UNC45B: variants seen among roughly 807,000 people sequenced by gnomAD.
UNC45B encodes unc-45 myosin chaperone B, also known as protein unc-45 homolog B.
In UNC45B, 78 loss-of-function variants were observed where a neutral mutation model predicts 98.7. That is an observed-to-expected ratio of 0.79 (90% CI 0.66 to 0.95). UNC45B has a LOEUF of 0.95. Ranked by LOEUF, UNC45B falls within the 40% of genes least tolerant of loss-of-function variation. The pLI, the probability that UNC45B is intolerant of heterozygous loss-of-function variation, is 0.00. For missense variants in UNC45B, 1,225 were observed against 1,184.9 expected (o/e 1.03, Z -0.50); for synonymous variants, 462 against 480.4 (o/e 0.96, Z 0.50).
Position 35,174,325 on chromosome 17 carries a change from A to C in UNC45B, c.1914A>C (p.Ala638=), listed in dbSNP as rs1250947585. 1.5e-5 allele frequency: 24 copies of C among 1,614,076 alleles called. No individual in the cohort carries two copies. Among genetic ancestry groups the C allele is most frequent in the Non-Finnish European group, 1.9e-5 (23 of 1,180,042 alleles). ...CTGCCCTGGCTTGCATGGTGAAAGC[A>C]GATAGTGCCATCCTCACTGACCAGA... is the stretch of plus-strand genomic sequence containing the variant. The part of the protein sequence containing the change: ...VISALACMVK[A]DSAILTDQTK... The change falls in exon 14 of 20, where the codon GCA becomes GCC. Residue 638 remains alanine (A), a synonymous_variant. Coordinates refer to ENST00000394570, the MANE Select transcript of UNC45B (RefSeq NM_001267052.2).
Position 35,169,912 on chromosome 17 carries a change from C to G in UNC45B, c.1528C>G (p.Leu510Val). ...GTTTGCGGAAGGGTCGACAGAAAAA[C>G]TGGCCAAACAGTGTCGCAAGTAAGG... is the stretch of plus-strand genomic sequence containing the variant. The part of the protein sequence containing the change: ...RQFAEGSTEK[L>V]AKQCRKWLCN... The change falls in exon 11 of 20, where the codon CTG (leucine) becomes GTG (valine). Residue 510 changes from leucine (L) to valine (V), a missense_variant. Coordinates refer to ENST00000394570, the MANE Select transcript of UNC45B (RefSeq NM_001267052.2). The G allele has an allele frequency of 6.2e-7, 1 of 1,614,176 alleles. No homozygotes were observed.
intron 18 of UNC45B, among the ~76,000 whole-genome samples, chr17:35,182,279 C>T (rs539112648): frequency 1.7e-4 from 26 of 152,108 alleles, no homozygotes; most frequent in Non-Finnish European, 3.2e-4. Context: ...TTAGTAGAGA[C>T]GGGGTTTCAC....
Position 35,170,910 on chromosome 17 carries a change from A to G in UNC45B, c.1690-412A>G, listed in dbSNP as rs146546921. On this transcript the variant is annotated intron_variant, in intron 12 of 19. Transcript: ENST00000394570. Reference sequence around the variant, plus strand: ...TGCCCTCCCTCCCAGGCCCCCCCAGACTCCTTTCCTCATCTGCTGGGCCAA... The same window carrying G: ...TGCCCTCCCTCCCAGGCCCCCCCAGGCTCCTTTCCTCATCTGCTGGGCCAA... Among the ~76,000 whole-genome samples, 107 of 151,570 alleles carry G rather than the reference A, an allele frequency of 7.1e-4. 2 individuals carry two copies. In the East Asian group the frequency reaches 0.02, roughly 29 times the overall value.
intron 14 of UNC45B, 37 bp from the exon 15 acceptor site, chr17:35,175,931 G>T: frequency 6.2e-7 from 1 of 1,600,792 alleles, no homozygotes; most frequent in Non-Finnish European, 8.6e-7. Context: ...AGGTGTGCTG[G>T]TGTATTAACT....
chr17:35,162,010 C>T (rs184947790), intron 8 of UNC45B, among the ~76,000 whole-genome samples: 4 of 152,308 alleles, frequency 2.6e-5, no homozygotes, highest in Admixed American at 6.5e-5. Context: ...ATGGAAGTGC[C>T]ACGCCCCTTG....
intron 3 of UNC45B, 83 bp downstream of exon 3, chr17:35,149,092 G>A: frequency 6.6e-7 from 1 of 1,518,294 alleles, no homozygotes; most frequent in South Asian, 1.1e-5. Flanking sequence ...CATTTTGGGG[G>A]AAGAAACAGT....
intron 9 of UNC45B, among the ~76,000 whole-genome samples, chr17:35,167,545 T>C (rs531133944): frequency 6.6e-6 from 1 of 151,712 alleles, no homozygotes; most frequent in Admixed American, 6.6e-5. Flanking sequence ...TTGCTTGAGC[T>C]TAGGGGTTTG....
chr17:35,163,674 T>C (rs183687807), intron 8 of UNC45B, among the ~76,000 whole-genome samples: 3 of 152,180 alleles, frequency 2.0e-5, no homozygotes, highest in Non-Finnish European at 4.4e-5. Context: ...GAAGGGAATA[T>C]GAAATAGTAT....
intron 14 of UNC45B, among the ~76,000 whole-genome samples, chr17:35,175,060 G>GAGGAAAGAAAGAAAGAAAGAAAGA (rs1491189117): frequency 9.1e-6 from 1 of 110,058 alleles, no homozygotes; most frequent in Non-Finnish European, 2.0e-5. Flanking sequence ...AGAAAGGAAA[G>GAGGAAAGAAAGAAAGAAAGAAAGA]AAGAAAGAAA....
rs201231646 is a variant in UNC45B, at chr17:35,149,496, A to C, written c.205+487A>C. ...CAATGGCATGATCTCAACTCACTGC[A>C]ACCTCTGCCTCCCGGATTCAAGCAA... On this transcript the variant is annotated intron_variant, in intron 3 of 19. Coordinates refer to ENST00000394570, the MANE Select transcript of UNC45B (RefSeq NM_001267052.2). Among the ~76,000 whole-genome samples, 36 of 152,238 alleles carry C rather than the reference A, an allele frequency of 2.4e-4. 1 individual carries two copies. In the East Asian group the frequency reaches 6.4e-3, roughly 27 times the overall value.
chr17:35,166,212 G>C (rs1355406458), intron 9 of UNC45B, among the ~76,000 whole-genome samples: 4 of 151,684 alleles, frequency 2.6e-5, no homozygotes, highest in African/African-American at 9.7e-5. Context: ...AGGCTGCAAT[G>C]AGCCTTGAAT....
chr17:35,186,494 G>A lies in UNC45B; in HGVS notation c.2725G>A (p.Val909Ile), dbSNP rs1407672624. ...QEPDEKKAEV[V>I]QTARECLIKC... is the part of the protein sequence containing the mutation. The stretch of plus-strand genomic sequence containing the variant: ...GCCAGATGAGAAGAAGGCAGAAGTG[G>A]TTCAGACAGCCCGAGAATGTCTCAT... The change falls in exon 20 of 20, where the codon GTT becomes ATT. Residue 909 changes from valine (V) to isoleucine (I), a missense_variant. Coordinates refer to ENST00000394570, the MANE Select transcript of UNC45B (RefSeq NM_001267052.2). 5 of 1,614,216 alleles carry A rather than the reference G, an allele frequency of 3.1e-6. No individual in the cohort carries two copies. The highest frequency in any genetic ancestry group is 3.4e-6 in the Non-Finnish European group (4 of 1,180,042).
chr17:35,155,459 T>C lies in UNC45B; in HGVS notation c.803T>C (p.Val268Ala). Residue 268 changes from valine (V) to alanine (A), a missense_variant, in exon 7 of 20, where the codon GTT (valine) becomes GCT (alanine). Transcript: ENST00000394570. ...REHRGKEEAL[V>A]LDTKKDLKQI... ...CATCGAGGGAAGGAGGAGGCCCTGG[T>C]TCTAGGTAGGAAACATTCTTCAGTT... The C allele has an allele frequency of 6.2e-7, 1 of 1,614,008 alleles. No homozygotes were observed. The highest frequency in any genetic ancestry group is 8.5e-7 in the Non-Finnish European group (1 of 1,179,922).
chr17:35,170,329 ATCCCAGTCT>A, intron 12 of UNC45B, 74 bp downstream of exon 12: 3 of 1,454,246 alleles, frequency 2.1e-6, no homozygotes, highest in Non-Finnish European at 2.7e-6. Flanking sequence ...CAGGGAATGG[ATCCCAGTCT>A]TCCTCCTGGC....
chr17:35,170,335 G>A, intron 12 of UNC45B, 80 bp downstream of exon 12: 2 of 1,443,456 alleles, frequency 1.4e-6, no homozygotes, highest in Non-Finnish European at 1.8e-6. Context: ...ATGGATCCCA[G>A]TCTTCCTCCT....
rs1000311654 is a variant in UNC45B at position 35,186,273 on chromosome 17, T to C, written c.2530-26T>C. ...TGGGGACACACTCAAACCTAGCACC[T>C]TCCTTACCTTTTTCCCTGCCTCCAG... On this transcript the variant is annotated intron_variant, in intron 19 of 19. Transcript: ENST00000394570. The C allele has an allele frequency of 1.9e-6, 3 of 1,611,462 alleles. No individual in the cohort carries two copies. The African/African-American group carries it at 4.0e-5, about 21-fold the overall frequency.
rs773194918 is a variant in UNC45B at position 35,168,313 on chromosome 17, G to A, written c.1404G>A (p.Gln468=). 1 of 1,407,730 alleles carries A rather than the reference G, an allele frequency of 7.1e-7. No homozygotes were observed. Among genetic ancestry groups the A allele is most frequent in the East Asian group, 2.6e-5 (1 of 37,832 alleles). 87.2% of individuals were successfully genotyped at this position (1,407,730 alleles called of 1,614,324 possible). Residue 468 remains glutamine (Q), a synonymous_variant, in exon 10 of 20, where the codon CAG becomes CAA. Transcript: ENST00000394570. ...CCAATGGAGTGTCACTGCTCAAACA[G>A]ATCTACAAGACCACCAAAAATGAGA... The part of the protein sequence containing the change: ...IITNGVSLLK[Q]IYKTTKNEKI...
In UNC45B at chr17:35,170,311, C is replaced by T. The variant is rs1039456191; in HGVS notation, c.1689+56C>T. 6 of 1,519,150 alleles carry T rather than the reference C, an allele frequency of 3.9e-6. No individual in the cohort carries two copies. The African/African-American group carries it at 6.9e-5, about 17-fold the overall frequency. 94.1% of individuals were successfully genotyped at this position (1,519,150 alleles called of 1,614,324 possible). On this transcript the variant is annotated intron_variant, in intron 12 of 19. Coordinates refer to ENST00000394570, the MANE Select transcript of UNC45B (RefSeq NM_001267052.2). ...AACCTCAGGAAAGGTCTGCTGGGTC[C>T]AGACCCACAGGGAATGGATCCCAGT...
chr17:35,152,479 C>T (rs910770420), intron 4 of UNC45B, among the ~76,000 whole-genome samples: 7 of 152,134 alleles, frequency 4.6e-5, no homozygotes, highest in Admixed American at 3.9e-4. Context: ...AAAGCTGCTT[C>T]GTCTACATTT....
Sources: gnomAD v4.1 joint callset for allele counts (sites outside exome capture counted in the v4.1 genomes callset) on GRCh38, gnomAD v4.1.1 for gene constraint, MANE v1.5 for transcripts, NCBI Gene and HGNC (gene_info 2026-07-23, HGNC 2026-07-21) for gene names.